WSCD2: variants seen among roughly 807,000 people sequenced by gnomAD.
WSCD2 encodes the protein sialate:O-sulfotransferase 2.
A neutral mutation model predicts 55.7 loss-of-function variants in WSCD2; 28 were observed. The observed-to-expected ratio is 0.50, with a 90% CI of 0.37 to 0.69. The LOEUF (loss-of-function observed/expected upper bound fraction) is 0.69, where lower values mean the gene tolerates loss of function less well. Ranked by LOEUF, WSCD2 falls within the 30% of genes least tolerant of loss-of-function variation. The pLI, the probability that WSCD2 is intolerant of heterozygous loss-of-function variation, is 0.00. For synonymous variants in WSCD2, 301 were observed against 301.9 expected (o/e 1.00, Z 0.03); for missense variants, 616 against 762.1 (o/e 0.81, Z 2.26).
rs558693368 is a variant in WSCD2, at chr12:108,209,694, C to A, written c.498-427C>A. Among the ~76,000 whole-genome samples, 3 of 152,112 alleles carry A rather than the reference C, an allele frequency of 2.0e-5. No homozygotes were observed. The South Asian group carries it at 6.2e-4, about 32-fold the overall frequency. The stretch of plus-strand genomic sequence containing the variant: ...GCCTCCACGCTGCCCCACTGCAAGG[C>A]CAACTCTGCAGCCTCCCTGACTCCT... On this transcript the variant is annotated intron_variant, in intron 3 of 8. Transcript: ENST00000547525.
intron 1 of WSCD2, among the ~76,000 whole-genome samples, chr12:108,139,698 T>C: frequency 6.6e-6 from 1 of 152,194 alleles, no homozygotes; most frequent in African/African-American, 2.4e-5. Flanking sequence ...TGAATTCACA[T>C]AGAAGCCCAG....
Position 108,227,176 on chromosome 12 carries a change from C to A in WSCD2, c.979+12C>A, listed in dbSNP as rs768248259. The A allele has an allele frequency of 1.9e-6, 3 of 1,608,506 alleles. 1 individual carries two copies. The South Asian group carries it at 3.3e-5, about 18-fold the overall frequency. On this transcript the variant is annotated intron_variant, in intron 6 of 8. Coordinates refer to ENST00000547525, the MANE Select transcript of WSCD2 (RefSeq NM_014653.4). ...GACACAAGTCCAAGGTGAGCTAGGC[C>A]CTTCCCCAGTGGACCCCAGATGCAC...
intron 4 of WSCD2, among the ~76,000 whole-genome samples, chr12:108,216,734 T>C (rs1886875709): frequency 6.6e-6 from 1 of 152,208 alleles, no homozygotes; most frequent in Non-Finnish European, 1.5e-5. Flanking sequence ...GAGGATGGTA[T>C]TGAACAAACC....
intron 1 of WSCD2, among the ~76,000 whole-genome samples, chr12:108,153,777 C>A (rs1007012852): frequency 1.1e-4 from 16 of 152,222 alleles, no homozygotes; most frequent in African/African-American, 3.4e-4. Context: ...CAATATCCTG[C>A]CAGGGCCTCC....
intron 3 of WSCD2, among the ~76,000 whole-genome samples, chr12:108,207,388 G>T (rs560745361): frequency 2.0e-3 from 300 of 151,714 alleles, no homozygotes; most frequent in African/African-American, 6.9e-3. Context: ...TTATTTTTTT[G>T]AGACAGAGTC....
intron 1 of WSCD2, among the ~76,000 whole-genome samples, chr12:108,157,908 A>T (rs1256147731): frequency 3.9e-5 from 6 of 152,104 alleles, no homozygotes; most frequent in Admixed American, 6.6e-5. Context: ...AAGAGAGAAA[A>T]ATTTAGGGAA....
intron 1 of WSCD2, among the ~76,000 whole-genome samples, chr12:108,130,719 G>C (rs1244642868): frequency 6.6e-6 from 1 of 152,056 alleles, no homozygotes; most frequent in Non-Finnish European, 1.5e-5. Context: ...AATAGGGGAA[G>C]TTTCCTGGCT....
chr12:108,192,814 C>A (rs1883352004), intron 1 of WSCD2, among the ~76,000 whole-genome samples: 1 of 152,130 alleles, frequency 6.6e-6, no homozygotes, highest in East Asian at 1.9e-4. Context: ...CTCTATGGTT[C>A]CCCCAGGCAG....
chr12:108,248,161 C>A lies in WSCD2; in HGVS notation c.1516C>A (p.Arg506=). The change falls in exon 9 of 9, where the codon CGG becomes AGG. Residue 506 remains arginine (R), a synonymous_variant. Coordinates refer to ENST00000547525, the MANE Select transcript of WSCD2 (RefSeq NM_014653.4). This position sits in a 1 kb window ranked among gnomAD's most constrained non-coding sequence, Gnocchi z 4.3. ...SLLGVAVRED[R]LLCVESQKDG... is the part of the protein sequence containing the mutation. ...GCTGGGCGTGGCTGTCAGGGAGGAC[C>A]GGCTGCTCTGTGTGGAGAGCCAGAA... 6.2e-7 allele frequency: 1 copy of A among 1,614,178 alleles called. No individual in the cohort carries two copies. Among genetic ancestry groups the A allele is most frequent in the Non-Finnish European group, 8.5e-7 (1 of 1,180,026 alleles).
chr12:108,216,970 G>A (rs1385445429), intron 4 of WSCD2, among the ~76,000 whole-genome samples: 3 of 152,240 alleles, frequency 2.0e-5, no homozygotes, highest in African/African-American at 4.8e-5. Flanking sequence ...ACAGTGCATG[G>A]GATCTAGCCA....
At chr12:108,144,471 ACT>A (rs1372407283) in intron 1 of WSCD2, among the ~76,000 whole-genome samples, 1 of 151,732 alleles carries the variant, frequency 6.6e-6, no homozygotes, top group African/African-American at 2.4e-5. Context: ...CTGGGATAAA[ACT>A]CTCTCTGCAG....
At chr12:108,200,477 G>A (rs143664874) in intron 2 of WSCD2, among the ~76,000 whole-genome samples, 66 of 149,846 alleles carry the variant, frequency 4.4e-4, no homozygotes, top group African/African-American at 1.5e-3. Context: ...CCATTCATTC[G>A]TTCATTTATT....
At chr12:108,166,898 G>A (rs1200709899) in intron 1 of WSCD2, among the ~76,000 whole-genome samples, 65 of 147,636 alleles carry the variant, frequency 4.4e-4, no homozygotes, top group African/African-American at 1.4e-3. Flanking sequence ...TGCAACCTCC[G>A]CCTCCCGGAT....
At chr12:108,225,136 T>A (rs776861091) in intron 5 of WSCD2, among the ~76,000 whole-genome samples, 15 of 152,202 alleles carry the variant, frequency 9.9e-5, no homozygotes, top group Non-Finnish European at 1.5e-4. Flanking sequence ...CTGATACTGC[T>A]ATGAAGAAAT....
intron 1 of WSCD2, among the ~76,000 whole-genome samples, chr12:108,155,589 G>A (rs1324766879): frequency 1.3e-5 from 2 of 152,178 alleles, no homozygotes; most frequent in African/African-American, 4.8e-5. Context: ...ATCTCTGTGA[G>A]TCAGAGACCT....
In WSCD2 at chr12:108,248,917, T is replaced by TG. The variant is rs1340910883; in HGVS notation, c.*578dup. On this transcript the variant is annotated 3_prime_UTR_variant, in exon 9 of 9. Coordinates refer to ENST00000547525, the MANE Select transcript of WSCD2 (RefSeq NM_014653.4). This position sits in a 1 kb window ranked among gnomAD's most constrained non-coding sequence, Gnocchi z 4.3. Reference sequence around the variant, plus strand: ...TAGGTTTCTGACATCCTGGATAGTGTGGGGAGGTAATGGTGCTCACAGTAG... The same window carrying TG: ...TAGGTTTCTGACATCCTGGATAGTGTGGGGGAGGTAATGGTGCTCACAGTAG... 2.0e-5 allele frequency: 20 copies of TG among 987,928 alleles called. No homozygotes were observed. Among genetic ancestry groups the TG allele is most frequent in the Non-Finnish European group, 2.3e-5 (19 of 831,326 alleles). 61.2% of individuals were successfully genotyped at this position (987,928 alleles called of 1,614,324 possible). A position where few individuals can be genotyped will look rare whatever the true frequency, so the allele number is the denominator to read the frequency against.
chr12:108,230,920 C>T (rs183871881), intron 6 of WSCD2, among the ~76,000 whole-genome samples: 2 of 152,176 alleles, frequency 1.3e-5, no homozygotes, highest in Non-Finnish European at 2.9e-5. Context: ...ATGTGGACAA[C>T]TCTGCTGGCA....
At chr12:108,199,226 G>A (rs1237645414) in intron 2 of WSCD2, among the ~76,000 whole-genome samples, 2 of 151,878 alleles carry the variant, frequency 1.3e-5, no homozygotes, top group Non-Finnish European at 1.5e-5. Flanking sequence ...ACACTTCTCC[G>A]GCCTGACGCT....
intron 1 of WSCD2, among the ~76,000 whole-genome samples, chr12:108,166,300 G>C (rs1311910943): frequency 6.6e-6 from 1 of 152,170 alleles, no homozygotes; most frequent in Non-Finnish European, 1.5e-5. Context: ...AAATGACTCT[G>C]CTCTTGGTAT....
Sources: allele counts gnomAD v4.1 joint callset (sites outside exome capture counted in the v4.1 genomes callset), GRCh38; gene constraint gnomAD v4.1.1; non-coding constraint Gnocchi (gnomAD v3.1); transcripts MANE v1.5; gene names NCBI Gene and HGNC (gene_info 2026-07-23, HGNC 2026-07-21).